The following HOXB5 variants were observed in gnomAD, a reference collection of about 807,000 sequenced individuals.
HOXB5 encodes homeobox B5.
In HOXB5, 10 loss-of-function variants were observed where a neutral mutation model predicts 19.6. The observed-to-expected ratio is 0.51, with a 90% confidence interval of 0.32 to 0.87. The LOEUF (loss-of-function observed/expected upper bound fraction) is 0.87, where lower values mean the gene tolerates loss of function less well. Among genes scored for constraint, HOXB5 ranks in the 40% least tolerant of loss-of-function variants. HOXB5 has a pLI of 0.04. For synonymous variants in HOXB5, 167 were observed against 156.9 expected, an observed-to-expected ratio of 1.06 and a Z score of -0.48; for missense variants, 353 against 369.6, an observed-to-expected ratio of 0.96 and a Z score of 0.37.
At position 48,593,222 on chromosome 17, in the gene HOXB5, A is replaced by G. The variant is rs768693952; in HGVS notation, c.461T>C (p.Leu154Pro). The G allele has an allele frequency of 3.7e-6, 6 of 1,613,200 alleles. No homozygotes were observed. In the Admixed American group the frequency reaches 1.0e-4, roughly 27 times the overall value. ...CATGGGCTCTGGCTGCGCCCGAGCT[A>G]GGCTGGGGCTGCTTAGCTGGCTTGC... ...EAASQLSSPS[L>P]ARAQPEPMAT... The change falls in exon 1 of 2, where the codon CTA becomes CCA. Residue 154 changes from leucine to proline, a missense_variant. By Grantham distance (98) the Leu-to-Pro change is moderately conservative (BLOSUM62 -3). Transcript: ENST00000239151.
rs1273719951 is a variant in HOXB5 at position 48,593,653 on chromosome 17, C to T, written c.30G>A (p.Ser10=). 7 of 1,611,894 alleles carry T rather than the reference C, an allele frequency of 4.3e-6. No individual in the cohort carries two copies. Among genetic ancestry groups the T allele is most frequent in the Admixed American group, 1.7e-5 (1 of 59,884 alleles). Residue 10 remains serine (S), a synonymous_variant, in exon 1 of 2, where the codon TCG becomes TCA. Transcript: ENST00000239151. ...AGTCCGGGCCATTTGGATAACGCCC[C>T]GAGAAGGAGTTTACAAAGTACGAGC... MSSYFVNSF[S]GRYPNGPDYQ... is the part of the protein sequence containing the mutation.
At chr17:48,593,058 C>G in intron 1 of HOXB5, 63 bp downstream of exon 1, 1 of 650,304 alleles carries the variant, frequency 1.5e-6, no homozygotes. Flanking sequence ...CCTTGTCCCC[C>G]CGATCCCACC....
In HOXB5 at chr17:48,592,343, C is replaced by T; in HGVS notation, c.676G>A (p.Glu226Lys). ...NRYLTRRRRI[E>K]IAHALCLSER... The stretch of plus-strand genomic sequence containing the variant: ...GACAGGCAGAGTGCGTGGGCGATCT[C>T]GATGCGCCGTCGCCGGGTCAGGTAG... Residue 226 changes from glutamate to lysine, a missense_variant, in exon 2 of 2, where the codon GAG becomes AAG. Physicochemically the swap from Glu to Lys is moderately conservative, Grantham distance 56. Transcript: ENST00000239151. 12 of 1,614,152 alleles carry T rather than the reference C, an allele frequency of 7.4e-6. No homozygotes were observed. Among genetic ancestry groups the T allele is most frequent in the Non-Finnish European group, 1.0e-5 (12 of 1,180,038 alleles).
chr17:48,593,120 C>A lies in HOXB5; in HGVS notation c.562+1G>T. 2.3e-6 allele frequency: 3 copies of A among 1,313,574 alleles called. No individual in the cohort carries two copies. The highest frequency in any genetic ancestry group is 1.3e-5 in the South Asian group (1 of 74,702). 81.4% of individuals were successfully genotyped at this position (1,313,574 alleles called of 1,614,324 possible). A position where few individuals can be genotyped will look rare whatever the true frequency, so the allele number is the denominator to read the frequency against. On this transcript the variant is annotated splice_donor_variant, in intron 1 of 1. Transcript: ENST00000239151. LOFTEE classifies it high-confidence loss of function. ...AAGACAAAAAAGAGAGAGAGAATTA[C>A]CATGGCTGATGTGAAGCTTCCTCAT...
At position 48,593,456 on chromosome 17, in the gene HOXB5, A is replaced by G. The variant is rs1277352410; in HGVS notation, c.227T>C (p.Phe76Ser). 6.2e-7 allele frequency: 1 copy of G among 1,611,016 alleles called. No individual in the cohort carries two copies. Among genetic ancestry groups the G allele is most frequent in the Non-Finnish European group, 8.5e-7 (1 of 1,178,246 alleles). ...GCGGGGCTCCTGGGCGGGCGCGGGG[A>G]AGGCGCGCGAGCTCTCGCCCACCGC... Reference protein sequence around the residue: ...FGAVGESSRAFPAPAQEPRFR... With the variant: ...FGAVGESSRASPAPAQEPRFR... Residue 76 changes from phenylalanine to serine, a missense_variant, in exon 1 of 2, where the codon TTC becomes TCC. Transcript: ENST00000239151.
rs1376616139 is a variant in HOXB5 at position 48,593,478 on chromosome 17, C to T, written c.205G>A (p.Val69Met). 1.2e-6 allele frequency: 2 copies of T among 1,612,810 alleles called. No individual in the cohort carries two copies. Among genetic ancestry groups the T allele is most frequent in the Non-Finnish European group, 1.7e-6 (2 of 1,179,294 alleles). ...SSASSSHFGAVGESSRAFPAP... is the reference protein window; with the variant it reads ...SSASSSHFGAMGESSRAFPAP... Reference sequence around the variant, plus strand: ...GGGAAGGCGCGCGAGCTCTCGCCCACCGCCCCAAAGTGGCTGGAGGAGGCC... The same window carrying T: ...GGGAAGGCGCGCGAGCTCTCGCCCATCGCCCCAAAGTGGCTGGAGGAGGCC... The change falls in exon 1 of 2, where the codon GTG becomes ATG. Residue 69 changes from valine to methionine, a missense_variant. Transcript: ENST00000239151.
In HOXB5 at chr17:48,593,323, C is replaced by G; in HGVS notation, c.360G>C (p.Gln120His). The stretch of plus-strand genomic sequence containing the variant: ...TGGCGCTGGAGCTGGCTGAGGTCGC[C>G]TGGTCGGAGGGGGACGAAGCAGAGG... ...AKPSASSPSD[Q>H]ATSASSSANF... Residue 120 changes from glutamine to histidine, a missense_variant, in exon 1 of 2, where the codon CAG becomes CAC. By Grantham distance (24) the Gln-to-His change is conservative (BLOSUM62 0). Coordinates refer to ENST00000239151, the MANE Select transcript of HOXB5 (RefSeq NM_002147.4). The G allele has an allele frequency of 6.2e-7, 1 of 1,611,152 alleles. No homozygotes were observed. Among genetic ancestry groups the G allele is most frequent in the Non-Finnish European group, 8.5e-7 (1 of 1,177,914 alleles).
chr17:48,593,756 TA>T lies in HOXB5; in HGVS notation c.-75del, dbSNP rs1390400544. ...CTGTGCTTCACGATTTATGATGTAT[TA>T]ATGAATTATAGCGATGCACTGTACT... On this transcript the variant is annotated 5_prime_UTR_variant, in exon 1 of 2. Coordinates refer to ENST00000239151, the MANE Select transcript of HOXB5 (RefSeq NM_002147.4). The T allele has an allele frequency of 1.2e-5, 14 of 1,188,170 alleles. No homozygotes were observed. The highest frequency in any genetic ancestry group is 1.7e-5 in the African/African-American group (1 of 59,476). 73.6% of individuals were successfully genotyped at this position (1,188,170 alleles called of 1,614,324 possible).
chr17:48,592,194 C>A lies in HOXB5; in HGVS notation c.*15G>T. The A allele has an allele frequency of 6.2e-7, 1 of 1,609,178 alleles. No individual in the cohort carries two copies. The highest frequency in any genetic ancestry group is 8.5e-7 in the Non-Finnish European group (1 of 1,176,952). ...TGGCACGGGCTCTTGGGCCGCTGGG[C>A]TCCTCTGGGCGGGCTCAGGGCTGGA... On this transcript the variant is annotated 3_prime_UTR_variant, in exon 2 of 2. Transcript: ENST00000239151.
At chr17:48,592,932 A>G (rs1597865764) in intron 1 of HOXB5, among the ~76,000 whole-genome samples, 189 bp downstream of exon 1, 1 of 151,968 alleles carries the variant, frequency 6.6e-6, no homozygotes, top group Non-Finnish European at 1.5e-5. Context: ...TATTAAAAAT[A>G]CCCCCCTCTT....
intron 1 of HOXB5, 59 bp downstream of exon 1, chr17:48,593,056 CCCCGAT>C: frequency 4.8e-6 from 3 of 631,528 alleles, no homozygotes; most frequent in Non-Finnish European, 5.6e-6. Context: ...CTCCTTGTCC[CCCCGAT>C]CCCACCCCAA....
Position 48,591,286 on chromosome 17 carries a change from C to T in HOXB5, c.*923G>A, listed in dbSNP as rs2070146580. The T allele has an allele frequency of 6.6e-6, 1 of 152,664 alleles. No individual in the cohort carries two copies. Among genetic ancestry groups the T allele is most frequent in the Non-Finnish European group, 1.5e-5 (1 of 68,060 alleles). 9.5% of individuals were successfully genotyped at this position (152,664 alleles called of 1,614,324 possible). A position where few individuals can be genotyped will look rare whatever the true frequency, so the allele number is the denominator to read the frequency against. ...GTGGGGGAAACATTTATTTGACTTC[C>T]AGGAAAGCTACAAACAAATACCAAA... On this transcript the variant is annotated 3_prime_UTR_variant, in exon 2 of 2. Transcript: ENST00000239151.
rs2070170039 is a variant in HOXB5, at chr17:48,592,247, T to C, written c.772A>G (p.Met258Val). ...KWKKDNKLKS[M>V]SLATAGSAFQ... ...GCGCTGCCAGCTGTAGCCAGGCTCA[T>C]ACTTTTCAATTTGTTGTCCTTCTTC... Residue 258 changes from methionine to valine, a missense_variant, in exon 2 of 2, where the codon ATG (methionine) becomes GTG (valine). By Grantham distance (21) the Met-to-Val change is conservative. Coordinates refer to ENST00000239151, the MANE Select transcript of HOXB5 (RefSeq NM_002147.4). 2 of 1,613,834 alleles carry C rather than the reference T, an allele frequency of 1.2e-6. No individual in the cohort carries two copies. The highest frequency in any genetic ancestry group is 1.7e-6 in the Non-Finnish European group (2 of 1,180,016).
intron 1 of HOXB5, 88 bp from the exon 2 acceptor site, chr17:48,592,544 C>T (rs2070178239): frequency 7.3e-7 from 1 of 1,361,414 alleles, no homozygotes; most frequent in East Asian, 2.5e-5. Flanking sequence ...GAGCAGGACC[C>T]AGGCGTCCCG....
chr17:48,593,349 G>C lies in HOXB5; in HGVS notation c.334C>G (p.Pro112Ala). ...TGGTCGGAGGGGGACGAAGCAGAGG[G>C]CTTGGCGCCGTGGCTGTCGCCGTTG... ...CTNGDSHGAK[P>A]SASSPSDQAT... The change falls in exon 1 of 2, where the codon CCC becomes GCC. Residue 112 changes from proline to alanine, a missense_variant. By Grantham distance (27) the Pro-to-Ala change is conservative. Transcript: ENST00000239151. 1.2e-6 allele frequency: 2 copies of C among 1,603,100 alleles called. No homozygotes were observed. Among genetic ancestry groups the C allele is most frequent in the Non-Finnish European group, 1.7e-6 (2 of 1,172,290 alleles).
At position 48,593,104 on chromosome 17, in the gene HOXB5, A is replaced by T; in HGVS notation, c.562+17T>A. The T allele has an allele frequency of 1.4e-6, 2 of 1,457,848 alleles. No individual in the cohort carries two copies. The highest frequency in any genetic ancestry group is 1.8e-6 in the Non-Finnish European group (2 of 1,089,660). The allele number at this position is 1,457,848 out of a possible 1,614,324, so 90.3% of individuals were successfully genotyped here. A position where few individuals can be genotyped will look rare whatever the true frequency, so the allele number is the denominator to read the frequency against. On this transcript the variant is annotated intron_variant, in intron 1 of 1. Coordinates refer to ENST00000239151, the MANE Select transcript of HOXB5 (RefSeq NM_002147.4). ...GAGAAGGAAAGCCGAGAAGACAAAAAAGAGAGAGAGAATTACCATGGCTGA... is the reference window on the plus strand; with the variant it reads ...GAGAAGGAAAGCCGAGAAGACAAAATAGAGAGAGAGAATTACCATGGCTGA...
At chr17:48,593,070 C>CCCCCAA in intron 1 of HOXB5, 51 bp downstream of exon 1, 1 of 1,039,434 alleles carries the variant, frequency 9.6e-7, no homozygotes, top group Non-Finnish European at 1.4e-6. Context: ...GATCCCACCC[C>CCCCCAA]AAAACGCAGA....
chr17:48,593,316 A>T lies in HOXB5; in HGVS notation c.367T>A (p.Ser123Thr). 1 of 1,611,654 alleles carries T rather than the reference A, an allele frequency of 6.2e-7. No homozygotes were observed. The highest frequency in any genetic ancestry group is 8.5e-7 in the Non-Finnish European group (1 of 1,178,298). Residue 123 changes from serine to threonine, a missense_variant, in exon 1 of 2, where the codon TCA (serine) becomes ACA (threonine). Physicochemically the swap from Ser to Thr is moderately conservative, Grantham distance 58. Coordinates refer to ENST00000239151, the MANE Select transcript of HOXB5 (RefSeq NM_002147.4). ...GTGAAATTGGCGCTGGAGCTGGCTG[A>T]GGTCGCCTGGTCGGAGGGGGACGAA... ...SASSPSDQAT[S>T]ASSSANFTEI...
rs547963863 is a variant in HOXB5, at chr17:48,592,096, G to A, written c.*113C>T. ...AACGAAATATCGTAACACAAGGCGA[G>A]GCAGGCTTGTGGGAACCGGTCCCCA... On this transcript the variant is annotated 3_prime_UTR_variant, in exon 2 of 2. Transcript: ENST00000239151. 1 of 1,246,214 alleles carries A rather than the reference G, an allele frequency of 8.0e-7. No homozygotes were observed. The highest frequency in any genetic ancestry group is 1.1e-6 in the Non-Finnish European group (1 of 901,182). 77.2% of individuals were successfully genotyped at this position (1,246,214 alleles called of 1,614,324 possible). A position where few individuals can be genotyped will look rare whatever the true frequency, so the allele number is the denominator to read the frequency against.
Sources: allele counts gnomAD v4.1 joint callset (sites outside exome capture counted in the v4.1 genomes callset), GRCh38; gene constraint gnomAD v4.1.1; transcripts MANE v1.5; gene names NCBI Gene and HGNC (gene_info 2026-07-23, HGNC 2026-07-21).